CADPS2: variants seen among roughly 807,000 people sequenced by gnomAD.
CADPS2 encodes calcium dependent secretion activator 2, also known as calcium-dependent secretion activator 2.
A neutral mutation model predicts 172.5 loss-of-function variants in CADPS2; 93 were observed. The ratio of observed to expected loss-of-function variants is 0.54; its 90% CI spans 0.46 to 0.64. The LOEUF is 0.64. CADPS2 is among the 30% of genes least tolerant of loss of function. The pLI is 0.00. For missense variants in CADPS2, 1,420 were observed against 1,565.9 expected, an observed-to-expected ratio of 0.91 and a Z score of 1.57; for synonymous variants, 546 against 555.2, an observed-to-expected ratio of 0.98 and a Z score of 0.23.
At chr7:122,594,662 C>T (rs2071462351) in intron 6 of CADPS2, among the ~76,000 whole-genome samples, 1 of 151,884 alleles carries the variant, frequency 6.6e-6, no homozygotes. Flanking sequence ...TCAGAAATAA[C>T]AGAAGAGATA....
chr7:122,592,061 T>A lies in CADPS2; in HGVS notation c.1224-10771A>T, dbSNP rs1323561242. ...CAGAGTGAACAGGCAACCTACAGAA[T>A]GGGAGAAAATTTTTGCAATCTACTC... On this transcript the variant is annotated intron_variant, in intron 6 of 29. Coordinates refer to ENST00000449022, the MANE Select transcript of CADPS2 (RefSeq NM_017954.11). Among the ~76,000 whole-genome samples, 4 of 152,060 alleles carry A rather than the reference T, an allele frequency of 2.6e-5. No homozygotes were observed. The East Asian group carries it at 7.7e-4, about 29-fold the overall frequency.
intron 9 of CADPS2, among the ~76,000 whole-genome samples, chr7:122,493,829 TA>T (rs1268831373): frequency 6.6e-6 from 1 of 151,908 alleles, no homozygotes; most frequent in Non-Finnish European, 1.5e-5. Flanking sequence ...TTATATTCGA[TA>T]AACATTTGAA....
At chr7:122,392,386 ACAGTTTTTT>A (rs1408026467) in intron 22 of CADPS2, among the ~76,000 whole-genome samples, 1 of 150,268 alleles carries the variant, frequency 6.7e-6, no homozygotes, top group African/African-American at 2.5e-5. Context: ...ATGCCTCAAT[ACAGTTTTTT>A]TTTTTTAAAT....
chr7:122,863,224 C>G (rs147027715), intron 1 of CADPS2, among the ~76,000 whole-genome samples: 1 of 152,136 alleles, frequency 6.6e-6, no homozygotes, highest in Non-Finnish European at 1.5e-5. Flanking sequence ...ACCTGGGTGT[C>G]TTCTACATAT....
intron 1 of CADPS2, among the ~76,000 whole-genome samples, chr7:122,839,994 G>A (rs963494576): frequency 1.2e-4 from 19 of 152,034 alleles, no homozygotes; most frequent in South Asian, 4.2e-4. Context: ...TGTTTATTGC[G>A]GCACTATTCA....
intron 25 of CADPS2, among the ~76,000 whole-genome samples, chr7:122,373,119 T>C (rs755637638): frequency 6.6e-6 from 1 of 152,110 alleles, no homozygotes; most frequent in Non-Finnish European, 1.5e-5. Flanking sequence ...TTCATAACTC[T>C]TTTAAAAAAG....
intron 6 of CADPS2, among the ~76,000 whole-genome samples, chr7:122,605,427 T>G (rs1249488029): frequency 6.6e-6 from 1 of 152,182 alleles, no homozygotes; most frequent in Non-Finnish European, 1.5e-5. Flanking sequence ...CATCATTGAC[T>G]GAAACATCAT....
intron 17 of CADPS2, among the ~76,000 whole-genome samples, chr7:122,424,987 A>T (rs924060549): frequency 2.6e-5 from 4 of 152,048 alleles, no homozygotes; most frequent in African/African-American, 9.7e-5. Flanking sequence ...TTTTTAAAAA[A>T]ATTATTTTTT....
chr7:122,608,818 A>T (rs2073931604), intron 6 of CADPS2, among the ~76,000 whole-genome samples: 1 of 152,140 alleles, frequency 6.6e-6, no homozygotes, highest in South Asian at 2.1e-4. Flanking sequence ...ACTGATATTT[A>T]ATTGCCTACT....
chr7:122,728,672 A>G (rs2137408714), intron 2 of CADPS2, among the ~76,000 whole-genome samples: 1 of 151,930 alleles, frequency 6.6e-6, no homozygotes, highest in South Asian at 2.1e-4. Context: ...AGAAATTAAC[A>G]TTCAGACACT....
intron 8 of CADPS2, among the ~76,000 whole-genome samples, chr7:122,522,734 C>T (rs1056905334): frequency 4.6e-5 from 7 of 151,572 alleles, no homozygotes; most frequent in Non-Finnish European, 1.0e-4. Context: ...CCCCCACCCC[C>T]AACACCCTTC....
intron 6 of CADPS2, among the ~76,000 whole-genome samples, chr7:122,604,223 T>A (rs2073190050): frequency 6.6e-6 from 1 of 152,158 alleles, no homozygotes; most frequent in Non-Finnish European, 1.5e-5. Context: ...CAACTAGGTT[T>A]CTTAAAATGC....
chr7:122,466,448 G>A (rs950739379), intron 14 of CADPS2, among the ~76,000 whole-genome samples: 2 of 152,164 alleles, frequency 1.3e-5, no homozygotes, highest in East Asian at 1.9e-4. Flanking sequence ...GGGGTGGTAG[G>A]CGGGGAGGTC....
At chr7:122,390,268 T>C (rs2044209566) in intron 22 of CADPS2, among the ~76,000 whole-genome samples, 1 of 152,062 alleles carries the variant, frequency 6.6e-6, no homozygotes, top group South Asian at 2.1e-4. Context: ...GATACTACAG[T>C]GAAAGTGTTG....
intron 16 of CADPS2, 47 bp downstream of exon 16, chr7:122,441,464 AG>A: frequency 7.9e-7 from 1 of 1,266,766 alleles, no homozygotes; most frequent in Non-Finnish European, 1.1e-6. Flanking sequence ...TAAAATACAC[AG>A]CAACTGAGAA....
At chr7:122,385,857 G>A (rs1486788485) in intron 24 of CADPS2, among the ~76,000 whole-genome samples, 1 of 151,928 alleles carries the variant, frequency 6.6e-6, no homozygotes, top group Non-Finnish European at 1.5e-5. Flanking sequence ...GTTTTTAGGG[G>A]CTATATGTCA....
At chr7:122,650,338 C>T (rs949889192) in intron 3 of CADPS2, among the ~76,000 whole-genome samples, 2 of 152,000 alleles carry the variant, frequency 1.3e-5, no homozygotes, top group Admixed American at 6.6e-5. Context: ...TGAAACAGTA[C>T]ACCCATATAA....
chr7:122,545,546 A>AT (rs35888537), intron 8 of CADPS2, among the ~76,000 whole-genome samples: 85 of 150,462 alleles, frequency 5.6e-4, no homozygotes, highest in Non-Finnish European at 8.6e-4. Context: ...AAGCAACTGA[A>AT]TTTTTTTTTT....
chr7:122,447,008 A>G (rs2052315600), intron 15 of CADPS2, among the ~76,000 whole-genome samples: 1 of 141,200 alleles, frequency 7.1e-6, no homozygotes, highest in Non-Finnish European at 1.5e-5. Flanking sequence ...CTGCTGCTCC[A>G]TCTTGGACAT....
Sources: allele counts gnomAD v4.1 joint callset (sites outside exome capture counted in the v4.1 genomes callset), GRCh38; gene constraint gnomAD v4.1.1; transcripts MANE v1.5; gene names NCBI Gene and HGNC (gene_info 2026-07-23, HGNC 2026-07-21).